LARGE1: variants seen among roughly 807,000 people sequenced by gnomAD.
LARGE1 encodes xylosyl- and glucuronyltransferase LARGE1.
LARGE1 carries 43 observed loss-of-function variants against 87.6 expected under a neutral mutation model. That is an observed-to-expected ratio of 0.49 (90% CI 0.38 to 0.63). The LOEUF (loss-of-function observed/expected upper bound fraction) is 0.63. Among genes scored for constraint, LARGE1 ranks in the 30% least tolerant of loss-of-function variants. The pLI is 0.00. For synonymous variants in LARGE1, 434 were observed against 394.6 expected, an observed-to-expected ratio of 1.10 and a Z score of -1.18; for missense variants, 802 against 1,000.2, an observed-to-expected ratio of 0.80 and a Z score of 2.67.
chr22:33,845,792 CCTA>C (rs1427852063), intron 1 of LARGE1, among the ~76,000 whole-genome samples: 2 of 152,098 alleles, frequency 1.3e-5, no homozygotes, highest in African/African-American at 2.4e-5. Context: ...TCCTCTCTAA[CCTA>C]CTCATTCCCA....
At chr22:33,208,495 C>T (rs1924795497) in intron 11 of LARGE1, among the ~76,000 whole-genome samples, 1 of 152,140 alleles carries the variant, frequency 6.6e-6, no homozygotes, top group South Asian at 2.1e-4. Context: ...GTGTAGTAGC[C>T]ATTGGAGGTC....
intron 2 of LARGE1, among the ~76,000 whole-genome samples, chr22:33,701,389 G>A (rs1029941897): frequency 5.3e-5 from 8 of 152,158 alleles, no homozygotes; most frequent in Admixed American, 1.3e-4. Flanking sequence ...AATTAGTCTC[G>A]GCAGCGCGTG....
At chr22:33,412,940 C>T (rs1478097035) in intron 7 of LARGE1, among the ~76,000 whole-genome samples, 2 of 152,288 alleles carry the variant, frequency 1.3e-5, no homozygotes, top group South Asian at 2.1e-4. Flanking sequence ...GGATTACAGG[C>T]GTGAGCCACC....
chr22:33,404,710 T>C (rs561669221), intron 7 of LARGE1, among the ~76,000 whole-genome samples: 95 of 152,328 alleles, frequency 6.2e-4, no homozygotes, highest in Non-Finnish European at 1.2e-3. Context: ...TGTGCAAAAT[T>C]ATCCTGGCTC....
intron 11 of LARGE1, among the ~76,000 whole-genome samples, chr22:33,199,967 G>A (rs1258798945): frequency 3.3e-5 from 5 of 151,726 alleles, no homozygotes; most frequent in African/African-American, 1.2e-4. Context: ...CTCTGCTTCA[G>A]CCTCCTGAGT....
chr22:33,341,686 T>C (rs1296995197), intron 9 of LARGE1, among the ~76,000 whole-genome samples: 2 of 152,324 alleles, frequency 1.3e-5, no homozygotes, highest in African/African-American at 4.8e-5. Context: ...GTAAGAACTA[T>C]GAACCTCAGA....
intron 2 of LARGE1, among the ~76,000 whole-genome samples, chr22:33,755,702 C>G (rs780528526): frequency 1.3e-5 from 2 of 152,172 alleles, no homozygotes; most frequent in Non-Finnish European, 2.9e-5. Context: ...CACAGATGCT[C>G]ACAGCACCAA....
intron 2 of LARGE1, among the ~76,000 whole-genome samples, chr22:33,713,669 G>T (rs1217587025): frequency 6.6e-6 from 1 of 151,832 alleles, no homozygotes; most frequent in Admixed American, 6.6e-5. Context: ...TAAAATGAGT[G>T]CCCAGGGCTG....
At chr22:33,676,151 C>CA (rs1182491730) in intron 2 of LARGE1, among the ~76,000 whole-genome samples, 1 of 151,822 alleles carries the variant, frequency 6.6e-6, no homozygotes, top group Non-Finnish European at 1.5e-5. Flanking sequence ...GTGGCTTATG[C>CA]AGATTCACTG....
chr22:33,526,662 C>G lies in LARGE1; in HGVS notation c.787+38186G>C, dbSNP rs370704894. 2.6e-5 allele frequency among the ~76,000 whole-genome samples: 4 copies of G among 152,368 alleles called. No individual in the cohort carries two copies. In the South Asian group the frequency reaches 8.3e-4, roughly 32 times the overall value. On this transcript the variant is annotated intron_variant, in intron 6 of 14. Coordinates refer to ENST00000397394, the MANE Select transcript of LARGE1 (RefSeq NM_133642.5). ...GAGTTCAGAGAGAGAACACAGAACACAAGTCCATCAACTGCAAAGGCTGTT... is the reference window on the plus strand; with the variant it reads ...GAGTTCAGAGAGAGAACACAGAACAGAAGTCCATCAACTGCAAAGGCTGTT...
chr22:33,631,974 A>G (rs994670476), intron 3 of LARGE1, among the ~76,000 whole-genome samples: 2 of 152,184 alleles, frequency 1.3e-5, no homozygotes, highest in Non-Finnish European at 2.9e-5. Context: ...GTTGACAGAT[A>G]TGTCATTATG....
intron 5 of LARGE1, among the ~76,000 whole-genome samples, chr22:33,603,116 A>T (rs565792175): frequency 2.0e-5 from 3 of 152,340 alleles, no homozygotes; most frequent in African/African-American, 7.2e-5. Context: ...TTACCAAGAC[A>T]ATCCCCAAAT....
At chr22:33,288,238 G>GA (rs1931901902) in intron 12 of LARGE1, among the ~76,000 whole-genome samples, 1 of 152,186 alleles carries the variant, frequency 6.6e-6, no homozygotes, top group Admixed American at 6.5e-5. Context: ...TACCTTTAAG[G>GA]AAAGGAGATT....
intron 3 of LARGE1, among the ~76,000 whole-genome samples, chr22:33,630,800 A>C (rs893412027): frequency 6.6e-6 from 1 of 152,158 alleles, no homozygotes; most frequent in Admixed American, 6.6e-5. Flanking sequence ...ATAAAAAATT[A>C]AACTTAGCTT....
At chr22:33,612,533 G>A (rs2079465016) in intron 4 of LARGE1, among the ~76,000 whole-genome samples, 1 of 152,190 alleles carries the variant, frequency 6.6e-6, no homozygotes, top group Admixed American at 6.5e-5. Context: ...TATATACCAA[G>A]GGACAACTCT....
At chr22:33,851,975 T>A (rs939838705) in intron 1 of LARGE1, among the ~76,000 whole-genome samples, 1 of 152,172 alleles carries the variant, frequency 6.6e-6, no homozygotes, top group Non-Finnish European at 1.5e-5. Context: ...AGTGGTCTTG[T>A]TTTTGTCTTG....
chr22:33,751,221 C>T (rs2084303072), intron 2 of LARGE1, among the ~76,000 whole-genome samples: 1 of 152,172 alleles, frequency 6.6e-6, no homozygotes, highest in African/African-American at 2.4e-5. Flanking sequence ...TGGCTCACAC[C>T]TGTAATCCTG....
At chr22:33,298,531 A>G (rs889620928) in intron 12 of LARGE1, among the ~76,000 whole-genome samples, 13 of 152,182 alleles carry the variant, frequency 8.5e-5, no homozygotes, top group Admixed American at 7.9e-4. Context: ...AATAAAGAGT[A>G]CTCAGCATCA....
chr22:33,114,649 G>T, the LARGE1 span, among the ~76,000 whole-genome samples: 8 of 152,146 alleles, frequency 5.3e-5, no homozygotes, highest in African/African-American at 1.2e-4. Flanking sequence ...TCTATGCCAG[G>T]TTCACATTTA....
Sources: gnomAD v4.1 joint callset for allele counts (sites outside exome capture counted in the v4.1 genomes callset) on GRCh38, gnomAD v4.1.1 for gene constraint, MANE v1.5 for transcripts, NCBI Gene and HGNC (gene_info 2026-07-23, HGNC 2026-07-21) for gene names.